XKR9: variants seen among roughly 807,000 people sequenced by gnomAD.
The protein encoded by XKR9 is XK related 9.
Under a neutral mutation model 32.0 loss-of-function variants are expected in XKR9, and 32 were observed. That is an observed-to-expected ratio of 1.00 (90% CI 0.76 to 1.34). The LOEUF is 1.34. Among genes scored for constraint, XKR9 ranks in the 40% most tolerant of loss-of-function variants. XKR9 has a pLI of 0.00. For synonymous variants in XKR9, 168 were observed against 143.4 expected (o/e 1.17, Z -1.22); for missense variants, 546 against 429.7 (o/e 1.27, Z -2.39).
the XKR9 span, among the ~76,000 whole-genome samples, chr8:70,868,067 T>C: frequency 6.6e-6 from 1 of 152,202 alleles, no homozygotes; most frequent in African/African-American, 2.4e-5. Flanking sequence ...AGAGGCGGGC[T>C]CCCATGGCCT....
At chr8:70,791,497 G>C (rs1807763550), downstream of XKR9, among the ~76,000 whole-genome samples, 1 of 152,082 alleles carries the variant, frequency 6.6e-6, no homozygotes, top group African/African-American at 2.4e-5. Flanking sequence ...GGCCACGAGG[G>C]CTTTGCCCTT....
the XKR9 span, among the ~76,000 whole-genome samples, chr8:70,999,721 C>T: frequency 1.3e-5 from 2 of 152,116 alleles, no homozygotes; most frequent in African/African-American, 4.8e-5. Context: ...AAATTCAGAC[C>T]ATTGAAACTG....
At chr8:70,729,589 G>A (rs1806593843) in intron 4 of XKR9, among the ~76,000 whole-genome samples, 1 of 151,982 alleles carries the variant, frequency 6.6e-6, no homozygotes, top group Non-Finnish European at 1.5e-5. Flanking sequence ...CATTTAAAGA[G>A]GATCAAAATA....
intron 2 of XKR9, among the ~76,000 whole-genome samples, chr8:70,782,452 C>G (rs554019092): frequency 1.3e-5 from 2 of 152,048 alleles, no homozygotes; most frequent in African/African-American, 2.4e-5. Flanking sequence ...GTACATTACT[C>G]TAAAACTGTA....
the XKR9 span, among the ~76,000 whole-genome samples, chr8:70,886,075 G>A: frequency 6.6e-6 from 1 of 152,068 alleles, no homozygotes; most frequent in Admixed American, 6.5e-5. Flanking sequence ...GATGTGTGAT[G>A]TTCCCCACCT....
At chr8:70,811,711 A>C in the XKR9 span, among the ~76,000 whole-genome samples, 1 of 152,152 alleles carries the variant, frequency 6.6e-6, no homozygotes, top group Non-Finnish European at 1.5e-5. Flanking sequence ...TAAATTCCTC[A>C]ACACATACAC....
the XKR9 span, among the ~76,000 whole-genome samples, chr8:70,795,474 T>A: frequency 6.6e-6 from 1 of 152,162 alleles, no homozygotes; most frequent in East Asian, 1.9e-4. Flanking sequence ...ATAGAAAAAT[T>A]TATATTCCTT....
At chr8:70,849,042 CAG>C in the XKR9 span, among the ~76,000 whole-genome samples, 1 of 152,084 alleles carries the variant, frequency 6.6e-6, no homozygotes, top group Non-Finnish European at 1.5e-5. Flanking sequence ...ATCAACAAGA[CAG>C]AAAATTAACA....
At chr8:71,001,222 T>A in the XKR9 span, among the ~76,000 whole-genome samples, 1 of 152,170 alleles carries the variant, frequency 6.6e-6, no homozygotes, top group African/African-American at 2.4e-5. Flanking sequence ...AGGCATGGGA[T>A]CGAAGGTCTA....
At chr8:70,997,329 C>T in the XKR9 span, among the ~76,000 whole-genome samples, 2 of 151,840 alleles carry the variant, frequency 1.3e-5, no homozygotes, top group Non-Finnish European at 2.9e-5. Context: ...ACCAAAACCC[C>T]CCCGCACAAG....
chr8:71,055,798 G>T, the XKR9 span, among the ~76,000 whole-genome samples: 2 of 152,080 alleles, frequency 1.3e-5, no homozygotes, highest in African/African-American at 4.8e-5. Context: ...TGCTAATATT[G>T]GAGGATTATT....
At chr8:70,752,318 T>A (rs1363316009) in intron 2 of XKR9, among the ~76,000 whole-genome samples, 1 of 152,200 alleles carries the variant, frequency 6.6e-6, no homozygotes, top group Non-Finnish European at 1.5e-5. Flanking sequence ...CTTGGTAATT[T>A]GTAAAGGAAA....
At chr8:70,920,690 A>G in the XKR9 span, among the ~76,000 whole-genome samples, 1 of 151,762 alleles carries the variant, frequency 6.6e-6, no homozygotes, top group African/African-American at 2.4e-5. Flanking sequence ...GCCCCTCTTT[A>G]TATATATTTT....
intron 2 of XKR9, among the ~76,000 whole-genome samples, chr8:70,773,076 G>T (rs1173486653): frequency 2.2e-4 from 33 of 152,108 alleles, no homozygotes; most frequent in Admixed American, 2.2e-3. Context: ...TCATACTGTA[G>T]CACAAGTCTT....
At chr8:70,709,108 T>C (rs545095984) in intron 4 of XKR9, among the ~76,000 whole-genome samples, 57 of 152,310 alleles carry the variant, frequency 3.7e-4, no homozygotes, top group African/African-American at 1.3e-3. Flanking sequence ...CATGATCAAG[T>C]AGGCTTTATT....
At chr8:70,742,647 G>T (rs1807004213) in intron 2 of XKR9, among the ~76,000 whole-genome samples, 1 of 151,614 alleles carries the variant, frequency 6.6e-6, no homozygotes, top group Non-Finnish European at 1.5e-5. Context: ...TTTCATTCTT[G>T]TAGGATATTT....
At chr8:70,961,860 C>G in the XKR9 span, among the ~76,000 whole-genome samples, 1 of 151,876 alleles carries the variant, frequency 6.6e-6, no homozygotes, top group Non-Finnish European at 1.5e-5. Context: ...GGTGAACAGG[C>G]AAAATAGCCC....
At chr8:70,724,176 A>G (rs1210936873) in intron 4 of XKR9, among the ~76,000 whole-genome samples, 1 of 152,124 alleles carries the variant, frequency 6.6e-6, no homozygotes, top group Non-Finnish European at 1.5e-5. Flanking sequence ...GGCTTCCTCA[A>G]CACTGTCAGG....
At chr8:70,949,508 T>C in the XKR9 span, among the ~76,000 whole-genome samples, 1 of 152,014 alleles carries the variant, frequency 6.6e-6, no homozygotes, top group Non-Finnish European at 1.5e-5. Flanking sequence ...ATCTTTCAGA[T>C]TTATATTAAA....
Sources: gnomAD v4.1 joint callset for allele counts (sites outside exome capture counted in the v4.1 genomes callset) on GRCh38, gnomAD v4.1.1 for gene constraint, MANE v1.5 for transcripts, NCBI Gene and HGNC (gene_info 2026-07-23, HGNC 2026-07-21) for gene names.